Variants in PLA2G4F observed in about 807,000 individuals in gnomAD.
PLA2G4F encodes cytosolic phospholipase A2 zeta.
Under a neutral mutation model 103.1 loss-of-function variants are expected in PLA2G4F, and 105 were observed. The ratio of observed to expected loss-of-function variants is 1.02; its 90% CI spans 0.87 to 1.20. The LOEUF is 1.20. PLA2G4F is among the 50% of genes most tolerant of loss of function. The pLI, the probability that PLA2G4F is intolerant of heterozygous loss-of-function variation, is 0.00. For synonymous variants in PLA2G4F, 468 were observed against 441.1 expected, an observed-to-expected ratio of 1.06 and a Z score of -0.76; for missense variants, 1,155 against 1,075.9, an observed-to-expected ratio of 1.07 and a Z score of -1.03.
intron 11 of PLA2G4F, chr15:42,149,294 A>T (rs908091470): frequency 3.8e-5 from 24 of 635,512 alleles, no homozygotes; most frequent in Non-Finnish European, 4.7e-5. Context: ...GGTCCTTAGA[A>T]GAGGAGGAGG....
At chr15:42,149,938 G>A (rs2048937500) in intron 10 of PLA2G4F, 90 bp from the exon 11 acceptor site, 4 of 1,548,482 alleles carry the variant, frequency 2.6e-6, no homozygotes, top group East Asian at 2.2e-5. Flanking sequence ...TCTTTCACAG[G>A]AGCAGGTCCA....
At chr15:42,153,706 G>C (rs527391396) in intron 4 of PLA2G4F, 46 bp from the exon 5 acceptor site, 1 of 1,606,294 alleles carries the variant, frequency 6.2e-7, no homozygotes, top group Non-Finnish European at 8.5e-7. Flanking sequence ...GGCTCCAAAA[G>C]CCTCCAGAGC....
Position 42,144,445 on chromosome 15 carries a change from C to G in PLA2G4F, c.1975+5G>C. 2 of 1,612,020 alleles carry G rather than the reference C, an allele frequency of 1.2e-6. No individual in the cohort carries two copies. Among genetic ancestry groups the G allele is most frequent in the East Asian group, 2.2e-5 (1 of 44,870 alleles). On this transcript the variant is annotated splice_donor_5th_base_variant and intron_variant, in intron 17 of 19. Transcript: ENST00000397272. ...CCCCCATCTCCCACCCAAGGCAGCACCCACCTTTCCAGGCCACGAACTCCC... is the reference window on the plus strand; with the variant it reads ...CCCCCATCTCCCACCCAAGGCAGCAGCCACCTTTCCAGGCCACGAACTCCC...
rs905641077 is a variant in PLA2G4F, at chr15:42,147,561, C to A, written c.1196+65G>T. 5 of 1,567,888 alleles carry A rather than the reference C, an allele frequency of 3.2e-6. No individual in the cohort carries two copies. In the African/African-American group the frequency reaches 4.1e-5, roughly 13 times the overall value. ...GCCCCTCAGGGACTCCTTAAGATCA[C>A]CAGGTCACAACCCCACACTTTGTGG... On this transcript the variant is annotated intron_variant, in intron 12 of 19. Transcript: ENST00000397272.
chr15:42,154,921 C>A (rs1471262846), intron 2 of PLA2G4F, among the ~76,000 whole-genome samples: 2 of 152,112 alleles, frequency 1.3e-5, no homozygotes, highest in African/African-American at 4.8e-5. Flanking sequence ...CAGCACCAGT[C>A]CCTCCACCTA....
intron 19 of PLA2G4F, 62 bp downstream of exon 19, chr15:42,142,466 A>G: frequency 6.6e-7 from 1 of 1,519,550 alleles, no homozygotes; most frequent in Non-Finnish European, 8.9e-7. Context: ...CACCCTCAGA[A>G]CAGCGTCCCA....
rs1383665614 is a variant in PLA2G4F, at chr15:42,150,656, C to G, written c.723G>C (p.Leu241=). 3 of 1,613,628 alleles carry G rather than the reference C, an allele frequency of 1.9e-6. No homozygotes were observed. Among genetic ancestry groups the G allele is most frequent in the Non-Finnish European group, 2.5e-6 (3 of 1,179,900 alleles). The change falls in exon 8 of 20, where the codon CTG becomes CTC. Residue 241 remains leucine (L), a synonymous_variant. Transcript: ENST00000397272. ...PTFTFHVNPV[L]SSRLHVELME... ...TCAGCTCCACGTGTAGCCTGGAGCTCAGCACTGGGTTCACGTGGAAGGTAA... is the reference window on the plus strand; with the variant it reads ...TCAGCTCCACGTGTAGCCTGGAGCTGAGCACTGGGTTCACGTGGAAGGTAA...
rs530535423 is a variant in PLA2G4F at position 42,142,114 on chromosome 15, T to C, written c.2420A>G (p.Tyr807Cys). 561 of 1,614,184 alleles carry C rather than the reference T, an allele frequency of 3.5e-4. 13 individuals carry two copies. In the South Asian group the frequency reaches 5.8e-3, roughly 17 times the overall value. The change falls in exon 20 of 20, where the codon TAT becomes TGT. Residue 807 changes from tyrosine to cysteine, a missense_variant. This residue lies in a region of PLA2G4F where 782 missense variants were observed against 692.9 expected (regional missense o/e 1.13). Transcript: ENST00000397272. ...DTPYGMMNFT[Y>C]EPQDFYRLVA... Reference sequence around the variant, plus strand: ...CAGCCGATAAAAGTCCTGGGGCTCATAGGTGAAGTTCATCATGCCATAGGG... The same window carrying C: ...CAGCCGATAAAAGTCCTGGGGCTCACAGGTGAAGTTCATCATGCCATAGGG...
chr15:42,149,616 C>T, intron 11 of PLA2G4F, 97 bp downstream of exon 11: 1 of 1,530,256 alleles, frequency 6.5e-7, no homozygotes, highest in East Asian at 2.3e-5. Flanking sequence ...ACAGGCCAAC[C>T]TCCTCTGGCC....
chr15:42,143,447 A>G (rs994019565), intron 18 of PLA2G4F, among the ~76,000 whole-genome samples: 5 of 152,174 alleles, frequency 3.3e-5, no homozygotes, highest in African/African-American at 9.6e-5. Context: ...CCAGGCTCTC[A>G]CTGGACCCAG....
At chr15:42,151,483 G>T (rs775656085) in intron 7 of PLA2G4F, 552 of 985,324 alleles carry the variant, frequency 5.6e-4, no homozygotes, top group Non-Finnish European at 6.2e-4. Flanking sequence ...TCCGGGCAGA[G>T]GGGGCCGCAG....
At chr15:42,155,790 C>T (rs1348084719) in intron 1 of PLA2G4F, among the ~76,000 whole-genome samples, 1 of 152,156 alleles carries the variant, frequency 6.6e-6, no homozygotes, top group African/African-American at 2.4e-5. Context: ...TGGAACCCAT[C>T]CGGTCTGGGT....
chr15:42,156,408 C>G, intron 1 of PLA2G4F, 31 bp downstream of exon 1: 2 of 1,535,626 alleles, frequency 1.3e-6, no homozygotes, highest in African/African-American at 1.4e-5. Context: ...TCCCCCAGTC[C>G]GGGTTTCCCA....
At chr15:42,143,428 C>T (rs1260849400) in intron 18 of PLA2G4F, among the ~76,000 whole-genome samples, 1 of 152,142 alleles carries the variant, frequency 6.6e-6, no homozygotes, top group African/African-American at 2.4e-5. Context: ...CATCAATCCC[C>T]AGTCAATCCC....
intron 2 of PLA2G4F, among the ~76,000 whole-genome samples, chr15:42,154,912 A>G (rs550766822): frequency 7.7e-4 from 117 of 152,178 alleles, no homozygotes; most frequent in African/African-American, 2.6e-3. Flanking sequence ...CTCCATGGTC[A>G]GCACCAGTCC....
intron 12 of PLA2G4F, 31 bp from the exon 13 acceptor site, chr15:42,147,377 G>T (rs2048903702): frequency 1.9e-6 from 3 of 1,581,882 alleles, no homozygotes; most frequent in Non-Finnish European, 2.6e-6. Context: ...TGAGTCAGGG[G>T]CAGGAGAGCA....
At chr15:42,146,353 G>T (rs2048885292) in intron 13 of PLA2G4F, 112 bp from the exon 14 acceptor site, 3 of 1,006,628 alleles carry the variant, frequency 3.0e-6, no homozygotes, top group South Asian at 1.4e-5. Context: ...AGAGGCTTTG[G>T]GTCGCCAAGG....
chr15:42,153,405 A>C, intron 5 of PLA2G4F, 63 bp from the exon 6 acceptor site: 1 of 1,575,108 alleles, frequency 6.3e-7, no homozygotes, highest in Non-Finnish European at 8.7e-7. Context: ...CTCTACAATC[A>C]TAATGTGACT....
rs1458608840 is a variant in PLA2G4F at position 42,140,127 on chromosome 15, T to C, written c.*1857A>G. On this transcript the variant is annotated 3_prime_UTR_variant, in exon 20 of 20. Coordinates refer to ENST00000397272, the MANE Select transcript of PLA2G4F (RefSeq NM_213600.4). ...GGTTAGGAATCATGAAAGCATTGCA[T>C]GCTTTTTTGTGGTTGGTGGGTGACG... is the stretch of plus-strand genomic sequence containing the variant. 1 of 152,246 alleles carries C rather than the reference T, an allele frequency of 6.6e-6. No individual in the cohort carries two copies. The highest frequency in any genetic ancestry group is 1.5e-5 in the Non-Finnish European group (1 of 68,052). 9.4% of individuals were successfully genotyped at this position (152,246 alleles called of 1,614,324 possible).
Sources: gnomAD v4.1 joint callset for allele counts (sites outside exome capture counted in the v4.1 genomes callset) on GRCh38, gnomAD v4.1.1 for gene constraint, gnomAD v4.1.1 regional missense constraint, MANE v1.5 for transcripts, NCBI Gene and HGNC (gene_info 2026-07-23, HGNC 2026-07-21) for gene names.